The following MATCAP2 variants were observed in gnomAD, a reference collection of about 807,000 sequenced individuals.
MATCAP2 encodes putative tyrosine carboxypeptidase MATCAP2.
At chr7:36,336,308 A>G in the MATCAP2 span, 1 of 1,501,622 alleles carries the variant, frequency 6.7e-7, no homozygotes, top group Non-Finnish European at 8.9e-7. Context: ...CTGTAAAAGA[A>G]AGAGAGATAA....
At chr7:36,383,115 GA>G in the MATCAP2 span, among the ~76,000 whole-genome samples, 18 of 151,632 alleles carry the variant, frequency 1.2e-4, no homozygotes, top group East Asian at 3.9e-4. Context: ...AATTAAACTA[GA>G]AAAAAAATCT....
At chr7:36,388,858 T>C in the MATCAP2 span, among the ~76,000 whole-genome samples, 1 of 152,186 alleles carries the variant, frequency 6.6e-6, no homozygotes, top group Non-Finnish European at 1.5e-5. Context: ...CTGTACACAG[T>C]TGGATGGAAT....
At chr7:36,368,874 A>G in the MATCAP2 span, among the ~76,000 whole-genome samples, 1 of 152,144 alleles carries the variant, frequency 6.6e-6, no homozygotes, top group South Asian at 2.1e-4. Context: ...TATCCGCAGG[A>G]CTAGCTCCCT....
the MATCAP2 span, among the ~76,000 whole-genome samples, chr7:36,354,377 T>C: frequency 6.6e-6 from 1 of 152,222 alleles, no homozygotes; most frequent in Admixed American, 6.5e-5. Context: ...AAGTCTAGCA[T>C]CATTCTGCTA....
At chr7:36,330,924 A>C in the MATCAP2 span, 6 of 969,898 alleles carry the variant, frequency 6.2e-6, no homozygotes, top group African/African-American at 9.6e-5. Context: ...GCTAAGCTTG[A>C]GTGAGGGGAA....
At chr7:36,350,036 A>G in the MATCAP2 span, among the ~76,000 whole-genome samples, 1 of 152,244 alleles carries the variant, frequency 6.6e-6, no homozygotes, top group Admixed American at 6.5e-5. Context: ...GCTAAACAGA[A>G]TATCATGTCA....
chr7:36,353,093 A>AC, the MATCAP2 span, among the ~76,000 whole-genome samples: 36 of 151,440 alleles, frequency 2.4e-4, no homozygotes, highest in Admixed American at 1.4e-3. Context: ...GCATAGTGAG[A>AC]CCCCCCCACC....
At chr7:36,334,974 C>T in the MATCAP2 span, 1 of 1,434,010 alleles carries the variant, frequency 7.0e-7, no homozygotes, top group Admixed American at 2.3e-5. Flanking sequence ...GAAAAAACCC[C>T]TTCTAAAAGA....
the MATCAP2 span, among the ~76,000 whole-genome samples, chr7:36,354,288 G>A: frequency 6.6e-6 from 1 of 152,324 alleles, no homozygotes; most frequent in South Asian, 2.1e-4. Flanking sequence ...CCTGAGGCCT[G>A]GAACTCCTTG....
chr7:36,374,169 A>C, the MATCAP2 span, among the ~76,000 whole-genome samples: 141,221 of 152,072 alleles, frequency 0.93, 65,924 homozygotes, highest in South Asian at 0.98. Flanking sequence ...GCCTCCACCT[A>C]CTGGGCTGAA....
At chr7:36,353,145 A>T in the MATCAP2 span, among the ~76,000 whole-genome samples, 1 of 152,092 alleles carries the variant, frequency 6.6e-6, no homozygotes, top group African/African-American at 2.4e-5. Context: ...GTGCTGGTGC[A>T]CGCCTGTAAG....
At chr7:36,376,356 G>GA in the MATCAP2 span, among the ~76,000 whole-genome samples, 2 of 152,308 alleles carry the variant, frequency 1.3e-5, no homozygotes, top group African/African-American at 4.8e-5. Context: ...TTACCCAGTA[G>GA]TCATTCAGGA....
chr7:36,333,858 G>A, the MATCAP2 span: 1 of 1,598,036 alleles, frequency 6.3e-7, no homozygotes, highest in Admixed American at 1.7e-5. Flanking sequence ...ACACCCACCT[G>A]GTTGGGAAGT....
chr7:36,364,585 T>C, the MATCAP2 span, among the ~76,000 whole-genome samples: 2 of 152,188 alleles, frequency 1.3e-5, no homozygotes, highest in African/African-American at 2.4e-5. Context: ...GTAACGACTT[T>C]TAGAGCTGAA....
At chr7:36,357,964 C>T in the MATCAP2 span, among the ~76,000 whole-genome samples, 2 of 152,020 alleles carry the variant, frequency 1.3e-5, no homozygotes, top group South Asian at 4.1e-4. Context: ...TTTGGGAGGT[C>T]GAGGCAGGCA....
At chr7:36,369,948 C>T in the MATCAP2 span, among the ~76,000 whole-genome samples, 1 of 152,082 alleles carries the variant, frequency 6.6e-6, no homozygotes, top group African/African-American at 2.4e-5. Flanking sequence ...TATGTTCACC[C>T]TACCAATATT....
At chr7:36,389,890 G>C in the MATCAP2 span, 5 of 1,503,600 alleles carry the variant, frequency 3.3e-6, no homozygotes, top group Non-Finnish European at 4.6e-6. Context: ...CGAGAGGAGA[G>C]GACAGCTGGT....
At chr7:36,390,026 G>T in the MATCAP2 span, 388 of 1,613,968 alleles carry the variant, frequency 2.4e-4, 2 homozygotes, top group Middle Eastern at 5.0e-4. Flanking sequence ...CGCCTGGGGC[G>T]ATGGATCCGT....
the MATCAP2 span, chr7:36,367,213 G>C: frequency 8.6e-7 from 1 of 1,164,032 alleles, no homozygotes; most frequent in Non-Finnish European, 1.1e-6. Flanking sequence ...CCACCGTGAC[G>C]TAGCCGCTCC....
Sources: allele counts gnomAD v4.1 joint callset (sites outside exome capture counted in the v4.1 genomes callset), GRCh38; gene constraint gnomAD v4.1.1; transcripts MANE v1.5; gene names NCBI Gene and HGNC (gene_info 2026-07-23, HGNC 2026-07-21).